The following DLG2 variants were observed in gnomAD, a reference collection of about 807,000 sequenced individuals.
DLG2 encodes discs large MAGUK scaffold protein 2.
Under a neutral mutation model 132.5 loss-of-function variants are expected in DLG2, and 45 were observed. The ratio of observed to expected loss-of-function variants is 0.34; its 90% CI spans 0.27 to 0.44. The LOEUF is 0.44. Among genes scored for constraint, DLG2 ranks in the 20% least tolerant of loss-of-function variants. The pLI, the probability that DLG2 is intolerant of heterozygous loss-of-function variation, is 1.00. For missense variants in DLG2, 1,045 were observed against 1,196.9 expected (o/e 0.87, Z 1.87); for synonymous variants, 424 against 419.6 (o/e 1.01, Z -0.13).
At chr11:84,231,403 C>T (rs1469320256) in intron 8 of DLG2, among the ~76,000 whole-genome samples, 1 of 152,094 alleles carries the variant, frequency 6.6e-6, no homozygotes, top group African/African-American at 2.4e-5. Context: ...GAGTTGTATG[C>T]CACTGATCCT....
rs141619907 is a variant in DLG2, at chr11:83,495,334, T to C, written c.2194-11106A>G. On this transcript the variant is annotated intron_variant, in intron 21 of 27. Coordinates refer to ENST00000376104, the MANE Select transcript of DLG2 (RefSeq NM_001142699.3). The stretch of plus-strand genomic sequence containing the variant: ...ATCAAGCAGAGAATACAGTGAGTGC[T>C]TGCCATGCTTTTGTTTATCTACTTC... Among the ~76,000 whole-genome samples the C allele has an allele frequency of 5.8e-4, 89 of 152,286 alleles. No homozygotes were observed. The East Asian group carries it at 0.012, about 20-fold the overall frequency.
chr11:84,715,101 A>G (rs1484789425), intron 6 of DLG2, among the ~76,000 whole-genome samples: 2 of 152,100 alleles, frequency 1.3e-5, no homozygotes, highest in Non-Finnish European at 1.5e-5. Context: ...TCAGGACTCT[A>G]TAACATTTTC....
intron 19 of DLG2, among the ~76,000 whole-genome samples, chr11:83,556,363 T>G (rs1311299811): frequency 1.4e-5 from 2 of 145,916 alleles, no homozygotes; most frequent in South Asian, 2.2e-4. Flanking sequence ...ATTTTCAGTT[T>G]TGTCCTTTTT....
chr11:84,384,497 C>T (rs922031147), intron 7 of DLG2, among the ~76,000 whole-genome samples: 4 of 152,066 alleles, frequency 2.6e-5, no homozygotes, highest in African/African-American at 9.7e-5. Context: ...GCTCACACTT[C>T]AGTCCCTCCT....
intron 6 of DLG2, among the ~76,000 whole-genome samples, chr11:84,654,436 T>C (rs1456712643): frequency 6.6e-6 from 1 of 152,180 alleles, no homozygotes; most frequent in Admixed American, 6.5e-5. Context: ...TTTCACCTGC[T>C]AACTATGCCA....
intron 7 of DLG2, among the ~76,000 whole-genome samples, chr11:84,331,458 A>AAAATAAATAAAT (rs1555509073): frequency 7.2e-6 from 1 of 139,134 alleles, no homozygotes; most frequent in Admixed American, 7.3e-5. Context: ...AAAAAAAAAA[A>AAAATAAATAAAT]AAATAAATAA....
intron 19 of DLG2, among the ~76,000 whole-genome samples, chr11:83,543,459 G>A (rs1410242977): frequency 6.6e-6 from 1 of 152,248 alleles, no homozygotes; most frequent in Middle Eastern, 3.4e-3. Context: ...GTGCAGTCTA[G>A]TGTATTACAG....
intron 18 of DLG2, chr11:83,693,869 C>G (rs2081415839): frequency 6.6e-6 from 1 of 152,140 alleles, no homozygotes; most frequent in African/African-American, 2.4e-5. Context: ...TTGTGAGCCC[C>G]TTCCCTCATG....
intron 19 of DLG2, among the ~76,000 whole-genome samples, chr11:83,575,252 C>A (rs1037166414): frequency 1.3e-5 from 2 of 152,096 alleles, no homozygotes; most frequent in Non-Finnish European, 2.9e-5. Flanking sequence ...AGACATCAGA[C>A]AATGAAGGAC....
intron 7 of DLG2, among the ~76,000 whole-genome samples, chr11:84,530,806 G>A (rs749698936): frequency 1.3e-5 from 2 of 152,150 alleles, no homozygotes; most frequent in African/African-American, 4.8e-5. Flanking sequence ...TTGTTCTGCC[G>A]TTAAGACACA....
At chr11:83,532,684 A>T in intron 21 of DLG2, 24 bp downstream of exon 21, 1 of 1,605,876 alleles carries the variant, frequency 6.2e-7, no homozygotes. Flanking sequence ...AGAGAACTTG[A>T]TGTTTCCATC....
At chr11:84,584,710 A>G in intron 6 of DLG2, among the ~76,000 whole-genome samples, 1 of 81,378 alleles carries the variant, frequency 1.2e-5, no homozygotes, top group African/African-American at 4.8e-5. Context: ...TTTTTTTGAG[A>G]CGGAGTCTCG....
chr11:85,291,585 C>CTTT lies in DLG2; in HGVS notation c.41-6223_41-6221dup, dbSNP rs11436726. On this transcript the variant is annotated intron_variant, in intron 3 of 27. Coordinates refer to ENST00000376104, the MANE Select transcript of DLG2 (RefSeq NM_001142699.3). The stretch of plus-strand genomic sequence containing the variant: ...ACCAAAATCACCTGAGGATTCTCTT[C>CTTT]TTTTTTTTTTTTTTTTTAAGACAGA... Among the ~76,000 whole-genome samples, 1,153 of 138,744 alleles carry CTTT rather than the reference C, an allele frequency of 8.3e-3. 25 individuals are homozygous for CTTT. The highest frequency in any genetic ancestry group is 0.024 in the African/African-American group (895 of 37,510). The allele number at this position is 138,744 out of a possible 152,430, so 91.0% of individuals were successfully genotyped here.
chr11:84,992,384 G>A (rs1354975471), intron 6 of DLG2, among the ~76,000 whole-genome samples: 1 of 152,086 alleles, frequency 6.6e-6, no homozygotes, highest in African/African-American at 2.4e-5. Flanking sequence ...TCCTGTAACT[G>A]TTTAAAAAAT....
intron 6 of DLG2, among the ~76,000 whole-genome samples, chr11:84,898,559 A>AC (rs2090486995): frequency 6.6e-6 from 1 of 151,920 alleles, no homozygotes; most frequent in African/African-American, 2.4e-5. Context: ...ACCAAATGCC[A>AC]AATTTAGAAT....
At chr11:85,527,249 T>G (rs1185460136) in intron 3 of DLG2, among the ~76,000 whole-genome samples, 1 of 151,894 alleles carries the variant, frequency 6.6e-6, no homozygotes, top group African/African-American at 2.4e-5. Context: ...TACATAGATA[T>G]ACATATGCTA....
At chr11:84,769,185 A>T (rs1483614352) in intron 6 of DLG2, among the ~76,000 whole-genome samples, 1 of 152,104 alleles carries the variant, frequency 6.6e-6, no homozygotes, top group Admixed American at 6.6e-5. Flanking sequence ...CGAAGCATGT[A>T]TTTCAAGGAA....
intron 12 of DLG2, among the ~76,000 whole-genome samples, chr11:83,978,152 A>G (rs1401711419): frequency 6.6e-6 from 1 of 152,018 alleles, no homozygotes; most frequent in South Asian, 2.1e-4. Context: ...AAATCCTTTG[A>G]CAGAATTATT....
intron 8 of DLG2, chr11:84,166,952 G>C (rs762341462): frequency 3.8e-6 from 2 of 533,168 alleles, no homozygotes; most frequent in South Asian, 2.8e-5. Flanking sequence ...TAATATTTAA[G>C]TACCTTGGTC....
Sources: allele counts gnomAD v4.1 joint callset (sites outside exome capture counted in the v4.1 genomes callset), GRCh38; gene constraint gnomAD v4.1.1; transcripts MANE v1.5; gene names NCBI Gene and HGNC (gene_info 2026-07-23, HGNC 2026-07-21).